Variants in SMG6 observed in about 807,000 individuals in gnomAD.
SMG6 encodes the protein SMG6 nonsense mediated mRNA decay factor, also known as telomerase-binding protein EST1A.
In SMG6, 66 loss-of-function variants were observed where a neutral mutation model predicts 142.2. That is an observed-to-expected ratio of 0.46 (90% CI 0.38 to 0.57). The LOEUF (loss-of-function observed/expected upper bound fraction) is 0.57, where lower values mean the gene tolerates loss of function less well. Among genes scored for constraint, SMG6 ranks in the 20% least tolerant of loss-of-function variants. The pLI is 0.00. For synonymous variants in SMG6, 779 were observed against 702.4 expected, an observed-to-expected ratio of 1.11 and a Z score of -1.72; for missense variants, 1,793 against 1,832.0, an observed-to-expected ratio of 0.98 and a Z score of 0.39.
intron 8 of SMG6, among the ~76,000 whole-genome samples, chr17:2,250,648 T>C (rs2074026399): frequency 1.3e-5 from 2 of 152,026 alleles, no homozygotes; most frequent in African/African-American, 4.8e-5. Flanking sequence ...CCTCCTAAAG[T>C]AGTGGGATTA....
At chr17:2,069,583 G>A (rs754785212) in intron 15 of SMG6, among the ~76,000 whole-genome samples, 2 of 152,220 alleles carry the variant, frequency 1.3e-5, no homozygotes, top group African/African-American at 2.4e-5. Context: ...GTGACAGAAC[G>A]AGACCCTGTC....
intron 18 of SMG6, among the ~76,000 whole-genome samples, 155 bp downstream of exon 18, chr17:2,064,897 TGGGGCTGGGGGAGCCAGGACA>T (rs1555529316): frequency 4.4e-4 from 67 of 151,788 alleles, no homozygotes; most frequent in Non-Finnish European, 7.7e-4. Context: ...TGGCATTCCC[TGGGGCTGGGGGAGCCAGGACA>T]GGGAGGTTGG....
In SMG6 at chr17:2,274,005, T is replaced by C. The variant is rs565687943; in HGVS notation, c.2661+8642A>G. ...TCAACTGTTTACTGTATTCTATTTA[T>C]GTAACCATTTCTTCCACTGGAACAG... is the stretch of plus-strand genomic sequence containing the variant. On this transcript the variant is annotated intron_variant, in intron 8 of 18. Transcript: ENST00000263073. Among the ~76,000 whole-genome samples the C allele has an allele frequency of 3.3e-4, 50 of 152,396 alleles. No individual in the cohort carries two copies. The South Asian group carries it at 8.3e-3, about 25-fold the overall frequency.
chr17:2,272,510 C>G (rs762000994), intron 8 of SMG6, among the ~76,000 whole-genome samples: 3 of 152,212 alleles, frequency 2.0e-5, no homozygotes, highest in Non-Finnish European at 2.9e-5. Flanking sequence ...CCCCAAATCA[C>G]TACTCATGAT....
chr17:2,229,321 A>G (rs1044056823), intron 10 of SMG6: 1 of 152,114 alleles, frequency 6.6e-6, no homozygotes, highest in Non-Finnish European at 1.5e-5. Flanking sequence ...CAACTCTCTT[A>G]CCTTTACTCC....
Position 2,299,471 on chromosome 17 carries a change from C to T in SMG6, c.1282G>A (p.Ala428Thr), listed in dbSNP as rs575057113. 1.1e-5 allele frequency: 18 copies of T among 1,614,156 alleles called. No homozygotes were observed. The South Asian group carries it at 1.2e-4, about 11-fold the overall frequency. The part of the protein sequence containing the change: ...SVNSAGSPES[A>T]PLGPRLLFGS... ...AACAAAAGCCGAGGTCCCAAAGGCG[C>T]GGACTCTGGAGAACCTGCTGAATTG... Residue 428 changes from alanine to threonine, a missense_variant, in exon 2 of 19, where the codon GCG becomes ACG. Ala to Thr is a moderately conservative substitution (Grantham distance 58, BLOSUM62 0). Around this residue, in one of 3 missense-constraint regions of SMG6, gnomAD observed 1,597 missense variants for 1,584.6 expected, o/e 1.01. Coordinates refer to ENST00000263073, the MANE Select transcript of SMG6 (RefSeq NM_017575.5). The surrounding 1 kb of genome is among the most constrained non-coding windows in gnomAD (Gnocchi z 4.3).
rs146640604 is a variant in SMG6, at chr17:2,248,570, C to T, written c.2662-3851G>A. ...CTACCGTATTTTAACTGCAAAAAGT[C>T]GATTTCAATGCATTACTTTTCAACT... On this transcript the variant is annotated intron_variant, in intron 8 of 18. Coordinates refer to ENST00000263073, the MANE Select transcript of SMG6 (RefSeq NM_017575.5). Among the ~76,000 whole-genome samples, 7 of 152,252 alleles carry T rather than the reference C, an allele frequency of 4.6e-5. No individual in the cohort carries two copies. The East Asian group carries it at 7.7e-4, about 17-fold the overall frequency.
At chr17:2,127,315 T>C in intron 13 of SMG6, 1 of 439,046 alleles carries the variant, frequency 2.3e-6, no homozygotes, top group Non-Finnish European at 4.4e-6. Flanking sequence ...AAATGGATAG[T>C]AGTGATGGTC....
At chr17:2,290,081 G>T (rs2074998599) in intron 6 of SMG6, among the ~76,000 whole-genome samples, 2 of 151,824 alleles carry the variant, frequency 1.3e-5, no homozygotes, top group Admixed American at 1.3e-4. Context: ...AAACCACAAT[G>T]AGTTATCACT....
intron 12 of SMG6, among the ~76,000 whole-genome samples, chr17:2,182,072 G>C (rs1230780527): frequency 6.6e-6 from 1 of 152,162 alleles, no homozygotes; most frequent in Non-Finnish European, 1.5e-5. Context: ...AGGACAGATG[G>C]TCTGCCTCCC....
At chr17:2,302,483 G>A (rs1010622157) in intron 1 of SMG6, among the ~76,000 whole-genome samples, 1 of 152,238 alleles carries the variant, frequency 6.6e-6, no homozygotes, top group Non-Finnish European at 1.5e-5. Context: ...GGAGGTTGCA[G>A]TGAGCAGAGA....
intron 8 of SMG6, among the ~76,000 whole-genome samples, chr17:2,245,350 C>T (rs930145465): frequency 9.9e-5 from 15 of 152,182 alleles, no homozygotes; most frequent in African/African-American, 3.6e-4. Context: ...GCCAAATCCT[C>T]TATGTAGGCC....
At chr17:2,241,193 A>G (rs569049858) in intron 9 of SMG6, among the ~76,000 whole-genome samples, 1 of 152,356 alleles carries the variant, frequency 6.6e-6, no homozygotes, top group African/African-American at 2.4e-5. Flanking sequence ...TTTTGACAAC[A>G]GAATATGTTA....
At chr17:2,080,173 C>A (rs1252997134) in intron 15 of SMG6, among the ~76,000 whole-genome samples, 1 of 152,000 alleles carries the variant, frequency 6.6e-6, no homozygotes, top group Non-Finnish European at 1.5e-5. Context: ...AATCCCAGCA[C>A]TTTGGAAGGC....
At chr17:2,264,770 T>C (rs1481850736) in intron 8 of SMG6, among the ~76,000 whole-genome samples, 1 of 151,544 alleles carries the variant, frequency 6.6e-6, no homozygotes, top group Non-Finnish European at 1.5e-5. Flanking sequence ...GGCATGGTGG[T>C]GTGTGCCTGT....
intron 8 of SMG6, among the ~76,000 whole-genome samples, chr17:2,258,000 C>T (rs2074223127): frequency 8.6e-6 from 1 of 116,632 alleles, no homozygotes. Flanking sequence ...CAAAGCGAGA[C>T]TCTGTCGCAA....
At chr17:2,181,758 C>T (rs976719907) in intron 12 of SMG6, among the ~76,000 whole-genome samples, 1 of 152,224 alleles carries the variant, frequency 6.6e-6, no homozygotes, top group African/African-American at 2.4e-5. Context: ...AGATTGAGCC[C>T]TTGCCCAAAG....
chr17:2,101,442 C>T (rs1310811329), intron 13 of SMG6: 3 of 152,184 alleles, frequency 2.0e-5, no homozygotes. Context: ...TCTAGAAATC[C>T]TCTGCACTCT....
intron 13 of SMG6, among the ~76,000 whole-genome samples, chr17:2,128,216 G>C (rs1264953971): frequency 6.6e-6 from 1 of 152,226 alleles, no homozygotes; most frequent in Non-Finnish European, 1.5e-5. Flanking sequence ...CAAGGCACGA[G>C]TGCTCCCAGT....
Sources: gnomAD v4.1 joint callset for allele counts (sites outside exome capture counted in the v4.1 genomes callset) on GRCh38, gnomAD v4.1.1 for gene constraint, gnomAD v4.1.1 regional missense constraint, Gnocchi (gnomAD v3.1) non-coding constraint, MANE v1.5 for transcripts, NCBI Gene and HGNC (gene_info 2026-07-23, HGNC 2026-07-21) for gene names.